Variants in RNF41 observed in about 807,000 individuals in gnomAD.
RNF41 encodes the protein E3 ubiquitin-protein ligase NRDP1.
RNF41 carries 4 observed loss-of-function variants against 33.0 expected under a neutral mutation model. The observed-to-expected ratio is 0.12, with a 90% confidence interval of 0.06 to 0.28. The LOEUF (loss-of-function observed/expected upper bound fraction) is 0.28. RNF41 is among the 10% of genes least tolerant of loss of function. RNF41 has a pLI of 1.00. For missense variants in RNF41, 228 were observed against 432.6 expected (o/e 0.53, Z 4.19); for synonymous variants, 164 against 153.2 (o/e 1.07, Z -0.52).
At chr12:56,209,603 G>A (rs1034213862) in intron 4 of RNF41, among the ~76,000 whole-genome samples, 2 of 152,122 alleles carry the variant, frequency 1.3e-5, no homozygotes, top group Middle Eastern at 3.2e-3. Context: ...GACTACAGGT[G>A]CCTGCCACCA....
intron 4 of RNF41, among the ~76,000 whole-genome samples, chr12:56,209,615 G>C (rs749461253): frequency 6.6e-6 from 1 of 152,084 alleles, no homozygotes; most frequent in African/African-American, 2.4e-5. Flanking sequence ...CTGCCACCAC[G>C]CCTGGCTAGT....
At chr12:56,218,790 G>A (rs1280369583) in intron 1 of RNF41, among the ~76,000 whole-genome samples, 1 of 151,134 alleles carries the variant, frequency 6.6e-6, no homozygotes, top group African/African-American at 2.4e-5. Context: ...TGCAACCTCT[G>A]CCTCCCGGGT....
At position 56,215,112 on chromosome 12, in the gene RNF41, G is replaced by C. The variant is rs148883207; in HGVS notation, c.-23-1042C>G. On this transcript the variant is annotated intron_variant, in intron 2 of 6. Transcript: ENST00000345093. ...AAATAGCACATCCAAATGCCCAGAA[G>C]AGGGCATATGATAGGTTCAGAGAAT... 4.0e-3 allele frequency among the ~76,000 whole-genome samples: 608 copies of C among 152,258 alleles called. 5 individuals carry two copies. The highest frequency in any genetic ancestry group is 0.01 in the Middle Eastern group (3 of 294).
chr12:56,210,365 G>T lies in RNF41; in HGVS notation c.294C>A (p.Asn98Lys). 6.2e-7 allele frequency: 1 copy of T among 1,614,200 alleles called. No homozygotes were observed. Among genetic ancestry groups the T allele is most frequent in the Non-Finnish European group, 8.5e-7 (1 of 1,180,030 alleles). ...FGCSAVVRLD[N>K]LMSHLSDCEH... ...CACAGTCGCTGAGGTGAGACATGAGGTTGTCAAGCCGGACAACGGCACTAC... is the reference window on the plus strand; with the variant it reads ...CACAGTCGCTGAGGTGAGACATGAGTTTGTCAAGCCGGACAACGGCACTAC... The change falls in exon 4 of 7, where the codon AAC becomes AAA. Residue 98 changes from asparagine (N) to lysine (K), a missense_variant. Asn to Lys is a moderately conservative substitution (Grantham distance 94). This residue lies in a region of RNF41 where 199 missense variants were observed against 334.6 expected (regional missense o/e 0.59). Transcript: ENST00000345093.
At chr12:56,218,893 G>A (rs1218349389) in intron 1 of RNF41, among the ~76,000 whole-genome samples, 5 of 150,308 alleles carry the variant, frequency 3.3e-5, no homozygotes, top group African/African-American at 9.8e-5. Flanking sequence ...TAGTAGAGAC[G>A]GGGTTTCACC....
At chr12:56,215,409 G>A (rs748842973) in intron 2 of RNF41, among the ~76,000 whole-genome samples, 5 of 152,032 alleles carry the variant, frequency 3.3e-5, no homozygotes, top group Non-Finnish European at 1.5e-5. Context: ...TTAGGTGGTG[G>A]TGGTGATGGG....
chr12:56,210,180 A>C (rs1868375814), intron 4 of RNF41, 117 bp downstream of exon 4: 1 of 1,080,526 alleles, frequency 9.3e-7, no homozygotes, highest in Non-Finnish European at 1.3e-6. Flanking sequence ...GGAGGCTAAG[A>C]ATACTCCTTG....
intron 4 of RNF41, among the ~76,000 whole-genome samples, chr12:56,209,507 G>A (rs1868350241): frequency 6.6e-6 from 1 of 151,322 alleles, no homozygotes; most frequent in Admixed American, 6.6e-5. Context: ...GCCCAGGCTG[G>A]AGTGCAGTGG....
rs1334444906 is a variant in RNF41 at position 56,202,858 on chromosome 12, G to A, written c.*3589C>T. On this transcript the variant is annotated 3_prime_UTR_variant, in exon 7 of 7. Transcript: ENST00000345093. ...CTAAAAATCGTATCTTCTGTAAAAGGACAATATGACACCATTCATAACATT... is the reference window on the plus strand; with the variant it reads ...CTAAAAATCGTATCTTCTGTAAAAGAACAATATGACACCATTCATAACATT... 1 of 152,146 alleles carries A rather than the reference G, an allele frequency of 6.6e-6. No homozygotes were observed. Among genetic ancestry groups the A allele is most frequent in the Non-Finnish European group, 1.5e-5 (1 of 68,030 alleles). 9.4% of individuals were successfully genotyped at this position (152,146 alleles called of 1,614,324 possible). A position where few individuals can be genotyped will look rare whatever the true frequency, so the allele number is the denominator to read the frequency against.
In RNF41 at chr12:56,210,162, G is replaced by A. The variant is rs546157868; in HGVS notation, c.362+135C>T. ...GCAAGAAAGTAAGATCTTAGAGCAG[G>A]AAGCCAAGGAGGCTAAGAATACTCC... is the stretch of plus-strand genomic sequence containing the variant. On this transcript the variant is annotated intron_variant, in intron 4 of 6. Coordinates refer to ENST00000345093, the MANE Select transcript of RNF41 (RefSeq NM_005785.4). The A allele has an allele frequency of 1.3e-5, 11 of 857,480 alleles. No homozygotes were observed. In the East Asian group the frequency reaches 1.9e-4, roughly 14 times the overall value. The allele number at this position is 857,480 out of a possible 1,614,324, so 53.1% of individuals were successfully genotyped here.
Position 56,206,312 on chromosome 12 carries a change from G to A in RNF41, c.*135C>T. ...GCAAACTACCCCAAGGCCCTTCAGT[G>A]CCAGAAGGGCAGGGAGATGTGTGGC... On this transcript the variant is annotated 3_prime_UTR_variant, in exon 7 of 7. Transcript: ENST00000345093. The surrounding 1 kb of genome is among the most constrained non-coding windows in gnomAD (Gnocchi z 5.7). The A allele has an allele frequency of 1.3e-6, 1 of 796,344 alleles. No individual in the cohort carries two copies. Among genetic ancestry groups the A allele is most frequent in the Non-Finnish European group, 2.0e-6 (1 of 493,080 alleles). 49.3% of individuals were successfully genotyped at this position (796,344 alleles called of 1,614,324 possible).
chr12:56,214,520 TAA>T (rs35169878), intron 2 of RNF41, among the ~76,000 whole-genome samples: 8,199 of 132,284 alleles, frequency 0.062, 230 homozygotes, highest in African/African-American at 0.091. Flanking sequence ...CCTCAGTCTC[TAA>T]AAAAAAAAAA....
intron 1 of RNF41, among the ~76,000 whole-genome samples, chr12:56,220,401 G>A (rs1043989908): frequency 2.0e-5 from 3 of 151,638 alleles, no homozygotes; most frequent in Non-Finnish European, 4.4e-5. Flanking sequence ...ATTTTTAGTA[G>A]AGACGGGGTT....
intron 3 of RNF41, chr12:56,212,912 T>A (rs1380237289): frequency 2.0e-6 from 2 of 982,214 alleles, no homozygotes; most frequent in Non-Finnish European, 2.8e-6. Context: ...AATTGGTATT[T>A]ACAGAATGAG....
intron 4 of RNF41, chr12:56,210,034 GA>G (rs1868370088): frequency 6.0e-6 from 3 of 500,588 alleles, no homozygotes; most frequent in Non-Finnish European, 1.1e-5. Context: ...TGAAAGGGAA[GA>G]ATAGAGTCAA....
rs117587570 is a variant in RNF41 at position 56,215,367 on chromosome 12, T to G, written c.-24+1062A>C. Among the ~76,000 whole-genome samples the G allele has an allele frequency of 1.6e-4, 24 of 152,268 alleles. No individual in the cohort carries two copies. The East Asian group carries it at 4.4e-3, about 28-fold the overall frequency. The stretch of plus-strand genomic sequence containing the variant: ...AGAAACTGGAGACCGGAAGAACATC[T>G]AAGTCAGGAGAGTGACGGTAAGAGT... On this transcript the variant is annotated intron_variant, in intron 2 of 6. Transcript: ENST00000345093.
chr12:56,220,384 T>C (rs1385175486), intron 1 of RNF41, among the ~76,000 whole-genome samples: 1 of 151,916 alleles, frequency 6.6e-6, no homozygotes, highest in Non-Finnish European at 1.5e-5. Flanking sequence ...CCCGGCTAAT[T>C]TTTTATATTT....
At position 56,219,673 on chromosome 12, in the gene RNF41, A is replaced by ACACACACACACACG. The variant is rs1256122421; in HGVS notation, c.-209+2086_-209+2087insCGTGTGTGTGTGTG. ...TGTGTGTGTATATATGTGTATATAC[A>ACACACACACACACG]CGCGCGCACCCCTTATACATACTGT... On this transcript the variant is annotated intron_variant, in intron 1 of 6. Transcript: ENST00000345093. Among the ~76,000 whole-genome samples the ACACACACACACACG allele has an allele frequency of 6.9e-3, 1,047 of 151,408 alleles. 6 individuals are homozygous for ACACACACACACACG. Among genetic ancestry groups the ACACACACACACACG allele is most frequent in the South Asian group, 0.02 (94 of 4,772 alleles).
intron 1 of RNF41, among the ~76,000 whole-genome samples, chr12:56,219,834 G>A (rs569038887): frequency 6.6e-6 from 1 of 151,318 alleles, no homozygotes; most frequent in Non-Finnish European, 1.5e-5. Flanking sequence ...GGGCAACATA[G>A]TGAAACCTTG....
Sources: allele counts gnomAD v4.1 joint callset (sites outside exome capture counted in the v4.1 genomes callset), GRCh38; gene constraint gnomAD v4.1.1; regional missense constraint gnomAD v4.1.1; non-coding constraint Gnocchi (gnomAD v3.1); transcripts MANE v1.5; gene names NCBI Gene and HGNC (gene_info 2026-07-23, HGNC 2026-07-21).